The following MAGI2 variants were observed in gnomAD, a reference collection of about 807,000 sequenced individuals.
MAGI2 encodes the protein membrane-associated guanylate kinase, WW and PDZ domain-containing protein 2.
MAGI2 carries 35 observed loss-of-function variants against 133.3 expected under a neutral mutation model. That is an observed-to-expected ratio of 0.26 (90% CI 0.20 to 0.35). MAGI2 has a LOEUF of 0.35. Ranked by LOEUF, MAGI2 falls within the 10% of genes least tolerant of loss-of-function variation. The probability of loss-of-function intolerance (pLI) is 1.00; values close to 1 mark genes in which losing one functional copy is unlikely to be tolerated. For missense variants in MAGI2, 1,636 were observed against 1,863.4 expected, an observed-to-expected ratio of 0.88 and a Z score of 2.25; for synonymous variants, 729 against 710.6, an observed-to-expected ratio of 1.03 and a Z score of -0.41.
chr7:78,826,509 G>C (rs1488950030), intron 2 of MAGI2, among the ~76,000 whole-genome samples: 1 of 152,082 alleles, frequency 6.6e-6, no homozygotes, highest in Non-Finnish European at 1.5e-5. Flanking sequence ...TGGTAGTGGG[G>C]GCAGTGATGA....
chr7:78,306,669 A>C (rs1798265850), intron 9 of MAGI2, among the ~76,000 whole-genome samples: 1 of 152,198 alleles, frequency 6.6e-6, no homozygotes, highest in Non-Finnish European at 1.5e-5. Flanking sequence ...TCTTTTGCTG[A>C]AATAGTAAAT....
At chr7:78,564,925 C>T (rs958925987) in intron 3 of MAGI2, among the ~76,000 whole-genome samples, 4 of 150,748 alleles carry the variant, frequency 2.7e-5, no homozygotes, top group Non-Finnish European at 5.9e-5. Flanking sequence ...TCCCGAGCTG[C>T]TGGGACTACA....
chr7:79,257,408 C>G (rs185188132), intron 1 of MAGI2, among the ~76,000 whole-genome samples: 27 of 152,102 alleles, frequency 1.8e-4, no homozygotes, highest in Admixed American at 1.5e-3. Flanking sequence ...TTATCAAATC[C>G]AAACTGTAGA....
intron 2 of MAGI2, among the ~76,000 whole-genome samples, chr7:78,994,825 G>A (rs1309295796): frequency 6.6e-6 from 1 of 152,046 alleles, no homozygotes; most frequent in South Asian, 2.1e-4. Flanking sequence ...TTAAATGCTG[G>A]TTCACTTTCT....
chr7:78,178,291 C>A (rs1415994841), intron 13 of MAGI2, among the ~76,000 whole-genome samples, 189 bp from the exon 14 acceptor site: 2 of 151,980 alleles, frequency 1.3e-5, no homozygotes, highest in Non-Finnish European at 2.9e-5. Context: ...GTAGGTTGTC[C>A]CTGGAATAAT....
chr7:79,103,638 A>G (rs1486374056), intron 1 of MAGI2, among the ~76,000 whole-genome samples: 1 of 151,892 alleles, frequency 6.6e-6, no homozygotes, highest in Non-Finnish European at 1.5e-5. Context: ...AGTGACTGCA[A>G]AGAGGCACAC....
At chr7:78,344,791 ACC>A in intron 8 of MAGI2, among the ~76,000 whole-genome samples, 1 of 152,338 alleles carries the variant, frequency 6.6e-6, no homozygotes, top group East Asian at 1.9e-4. Flanking sequence ...GCATAGATTT[ACC>A]TGCTAATTTG....
intron 6 of MAGI2, among the ~76,000 whole-genome samples, chr7:78,398,775 CT>C (rs1796589521): frequency 2.0e-5 from 3 of 152,136 alleles, no homozygotes; most frequent in East Asian, 1.9e-4. Context: ...AAATTCACCC[CT>C]CCCACCTCCT....
rs181948345 is a variant in MAGI2, at chr7:78,237,907, T to A, written c.2047+18036A>T. Among the ~76,000 whole-genome samples, 495 of 152,282 alleles carry A rather than the reference T, an allele frequency of 3.3e-3. 2 individuals are homozygous for A. Among genetic ancestry groups the A allele is most frequent in the Non-Finnish European group, 4.5e-3 (303 of 68,002 alleles). On this transcript the variant is annotated intron_variant, in intron 10 of 21. Coordinates refer to ENST00000354212, the MANE Select transcript of MAGI2 (RefSeq NM_012301.4). The stretch of plus-strand genomic sequence containing the variant: ...TCTTGCCAATTAGTCAATCATTTTT[T>A]AAAAAATTGAGTTTACTTACAACTG...
intron 1 of MAGI2, among the ~76,000 whole-genome samples, chr7:79,209,759 T>A (rs925940064): frequency 1.5e-4 from 23 of 152,062 alleles, no homozygotes; most frequent in Admixed American, 8.5e-4. Context: ...ACATTGTGCA[T>A]ATTATTTTGT....
chr7:79,115,424 C>T (rs752472402), intron 1 of MAGI2, among the ~76,000 whole-genome samples: 42 of 152,200 alleles, frequency 2.8e-4, no homozygotes, highest in Non-Finnish European at 4.7e-4. Context: ...TAGTCACAAG[C>T]CTATCAATTA....
chr7:78,756,699 T>A (rs960181147), intron 2 of MAGI2, among the ~76,000 whole-genome samples: 1 of 152,192 alleles, frequency 6.6e-6, no homozygotes, highest in African/African-American at 2.4e-5. Flanking sequence ...CAATCCCAAC[T>A]CAGCCCTTCA....
chr7:78,137,257 T>C (rs1206681252), intron 16 of MAGI2, among the ~76,000 whole-genome samples: 1 of 152,214 alleles, frequency 6.6e-6, no homozygotes, highest in African/African-American at 2.4e-5. Flanking sequence ...GTGTATATTG[T>C]TATCTGTCCC....
At chr7:78,877,772 C>G (rs1350780674) in intron 2 of MAGI2, among the ~76,000 whole-genome samples, 3 of 152,150 alleles carry the variant, frequency 2.0e-5, no homozygotes, top group Non-Finnish European at 4.4e-5. Flanking sequence ...CCATCTCTCC[C>G]CTCCACACTA....
chr7:78,502,321 G>A (rs1794697231), intron 4 of MAGI2, among the ~76,000 whole-genome samples: 3 of 152,150 alleles, frequency 2.0e-5, no homozygotes. Flanking sequence ...ATGCAATGTT[G>A]CTGGCTTAGA....
chr7:78,366,893 T>G (rs1266494121), intron 7 of MAGI2, among the ~76,000 whole-genome samples: 1 of 152,154 alleles, frequency 6.6e-6, no homozygotes, highest in Non-Finnish European at 1.5e-5. Flanking sequence ...TAGAACTGAA[T>G]GTAACGGGAA....
At chr7:79,185,535 T>G (rs1342273992) in intron 1 of MAGI2, among the ~76,000 whole-genome samples, 4 of 128,300 alleles carry the variant, frequency 3.1e-5, no homozygotes, top group Non-Finnish European at 7.2e-5. Context: ...TTTTTTTTTT[T>G]GTAGTCAATG....
intron 9 of MAGI2, among the ~76,000 whole-genome samples, chr7:78,339,714 T>G (rs1278135245): frequency 1.3e-5 from 2 of 152,222 alleles, no homozygotes; most frequent in Non-Finnish European, 2.9e-5. Context: ...TTTGGCAACA[T>G]GAAGATGTGG....
chr7:78,958,025 C>T (rs948031148), intron 2 of MAGI2, among the ~76,000 whole-genome samples: 3 of 152,118 alleles, frequency 2.0e-5, no homozygotes, highest in Admixed American at 6.6e-5. Context: ...ATCTTTTCTC[C>T]GACTAAGCCA....
Sources: allele counts gnomAD v4.1 joint callset (sites outside exome capture counted in the v4.1 genomes callset), GRCh38; gene constraint gnomAD v4.1.1; transcripts MANE v1.5; gene names NCBI Gene and HGNC (gene_info 2026-07-23, HGNC 2026-07-21).